Variants in EIF4A2 observed in about 807,000 individuals in gnomAD.
The protein encoded by EIF4A2 is eukaryotic initiation factor 4A-II.
A neutral mutation model predicts 50.6 loss-of-function variants in EIF4A2; 9 were observed. The ratio of observed to expected loss-of-function variants is 0.18; its 90% confidence interval spans 0.11 to 0.31. EIF4A2 has a LOEUF of 0.31. Among genes scored for constraint, EIF4A2 ranks in the 10% least tolerant of loss-of-function variants. The pLI is 1.00. For missense variants in EIF4A2, 182 were observed against 501.8 expected (o/e 0.36, Z 6.09); for synonymous variants, 215 against 164.4 (o/e 1.31, Z -2.35).
At chr3:186,785,190 T>A in intron 4 of EIF4A2, 89 bp downstream of exon 4, 1 of 1,561,030 alleles carries the variant, frequency 6.4e-7, no homozygotes, top group Non-Finnish European at 8.7e-7. Flanking sequence ...TTAGTATAAA[T>A]TGGTCCTACC....
chr3:186,789,454 T>TATC lies in EIF4A2; in HGVS notation c.*186_*188dup, dbSNP rs1305308782. 1.9e-5 allele frequency: 14 copies of TATC among 730,912 alleles called. No individual in the cohort carries two copies. The Admixed American group carries it at 3.7e-4, about 19-fold the overall frequency. The allele number at this position is 730,912 out of a possible 1,614,324, so 45.3% of individuals were successfully genotyped here. A position where few individuals can be genotyped will look rare whatever the true frequency, so the allele number is the denominator to read the frequency against. ...CTCTTGTGAGGAAAGTCATTGGCTT[T>TATC]ATCCTCTTTAGAGTTAGACTGTTGG... On this transcript the variant is annotated 3_prime_UTR_variant, in exon 11 of 11. Transcript: ENST00000323963.
chr3:186,788,857 C>G, intron 10 of EIF4A2: 1 of 377,274 alleles, frequency 2.7e-6, no homozygotes, highest in South Asian at 3.9e-5. Flanking sequence ...CTACCCCAAA[C>G]ACGATACTGT....
intron 3 of EIF4A2, 112 bp from the exon 4 acceptor site, chr3:186,784,850 C>G (rs1050726749): frequency 1.3e-6 from 2 of 1,599,410 alleles, no homozygotes; most frequent in Admixed American, 1.7e-5. Flanking sequence ...AGAGAATACT[C>G]ATTGCTGATC....
chr3:186,784,934 C>T, intron 3 of EIF4A2, 28 bp from the exon 4 acceptor site: 4 of 1,613,988 alleles, frequency 2.5e-6, no homozygotes, highest in Non-Finnish European at 3.4e-6. Context: ...GATGTGGGAT[C>T]GGTAAATGTG....
intron 3 of EIF4A2, 101 bp downstream of exon 3, chr3:186,784,797 A>C (rs541382107): frequency 3.7e-6 from 6 of 1,602,854 alleles, no homozygotes; most frequent in African/African-American, 2.7e-5. Context: ...TATTCCTTAA[A>C]GTGAAATGAT....
rs1169883217 is a variant in EIF4A2 at position 186,785,210 on chromosome 3, C to T, written c.348+109C>T. ...ATAAATTGGTCCTACCAGATCCCTC[C>T]TTTTAATTGTCCATGCATGCAGGGA... On this transcript the variant is annotated intron_variant, in intron 4 of 10. Coordinates refer to ENST00000323963, the MANE Select transcript of EIF4A2 (RefSeq NM_001967.4). 18 of 1,486,940 alleles carry T rather than the reference C, an allele frequency of 1.2e-5. No homozygotes were observed. The East Asian group carries it at 3.6e-4, about 30-fold the overall frequency. 92.1% of individuals were successfully genotyped at this position (1,486,940 alleles called of 1,614,324 possible). A position where few individuals can be genotyped will look rare whatever the true frequency, so the allele number is the denominator to read the frequency against.
chr3:186,787,631 T>A (rs758434128), intron 9 of EIF4A2, 47 bp downstream of exon 9: 1 of 1,612,406 alleles, frequency 6.2e-7, no homozygotes, highest in Non-Finnish European at 8.5e-7. Context: ...GTTAGCTTTT[T>A]GGGGGGCAGG....
In EIF4A2 at chr3:186,783,622, C is replaced by A; in HGVS notation, c.12C>A (p.Gly4=). 6.2e-7 allele frequency: 1 copy of A among 1,614,176 alleles called. No individual in the cohort carries two copies. The highest frequency in any genetic ancestry group is 1.7e-5 in the Admixed American group (1 of 60,020). The change falls in exon 1 of 11, where the codon GGC becomes GGA. Residue 4 remains glycine (G), a synonymous_variant. Coordinates refer to ENST00000323963, the MANE Select transcript of EIF4A2 (RefSeq NM_001967.4). The part of the protein sequence containing the change: MSG[G]SADYNREHGG... ...TGGTTTTTCGGATCATGTCTGGTGGCTCCGCGGATTATAACAGGTATGCAG... is the reference window on the plus strand; with the variant it reads ...TGGTTTTTCGGATCATGTCTGGTGGATCCGCGGATTATAACAGGTATGCAG...
intron 10 of EIF4A2, chr3:186,788,508 A>G (rs1721908813): frequency 1.8e-6 from 2 of 1,084,692 alleles, no homozygotes; most frequent in African/African-American, 1.7e-5. Flanking sequence ...TATTTCTATT[A>G]GGGAACCTTT....
chr3:186,784,807 T>C (rs1052512682), intron 3 of EIF4A2, 111 bp downstream of exon 3: 2 of 1,600,712 alleles, frequency 1.2e-6, no homozygotes, highest in Non-Finnish European at 1.7e-6. Flanking sequence ...AGTGAAATGA[T>C]GGCAATCATC....
In EIF4A2 at chr3:186,783,591, G is replaced by A. The variant is rs374957035; in HGVS notation, c.-20G>A. ...GGCGCCGCTGTCTTTTCAGTCGGGC[G>A]CTGAGTGGTTTTTCGGATCATGTCT... On this transcript the variant is annotated 5_prime_UTR_variant, in exon 1 of 11. Coordinates refer to ENST00000323963, the MANE Select transcript of EIF4A2 (RefSeq NM_001967.4). 1.1e-5 allele frequency: 17 copies of A among 1,614,056 alleles called. No homozygotes were observed. The African/African-American group carries it at 2.1e-4, about 20-fold the overall frequency.
chr3:186,783,672 TG>T (rs773075327), intron 1 of EIF4A2, 33 bp downstream of exon 1: 2 of 1,613,974 alleles, frequency 1.2e-6, no homozygotes, highest in Non-Finnish European at 1.7e-6. Context: ...CGGTCTGTAG[TG>T]AAGGTCATAG....
At chr3:186,786,742 G>T (rs746518055) in intron 7 of EIF4A2, 97 bp downstream of exon 7, 2 of 1,509,046 alleles carry the variant, frequency 1.3e-6, no homozygotes, top group African/African-American at 2.9e-5. Flanking sequence ...TTGCAATAAT[G>T]CTAGCAGAGT....
At chr3:186,788,877 TATA>T (rs2108463279) in intron 10 of EIF4A2, 2 of 463,120 alleles carry the variant, frequency 4.3e-6, no homozygotes, top group Admixed American at 4.1e-5. Context: ...TCATCTGCTT[TATA>T]ATAATGCTCA....
At chr3:186,789,031 G>A (rs1196061865) in intron 10 of EIF4A2, 94 bp from the exon 11 acceptor site, 2 of 1,486,462 alleles carry the variant, frequency 1.3e-6, no homozygotes, top group African/African-American at 2.9e-5. Context: ...ACCTTGATAA[G>A]TAAACAGCAG....
chr3:186,789,313 A>C lies in EIF4A2; in HGVS notation c.*44A>C, dbSNP rs1721986052. 1.3e-6 allele frequency: 2 copies of C among 1,576,280 alleles called. No individual in the cohort carries two copies. Among genetic ancestry groups the C allele is most frequent in the Non-Finnish European group, 8.6e-7 (1 of 1,161,136 alleles). Reference sequence around the variant, plus strand: ...TGGATGCAGTGCTCGCTGTTGCTGAATAGGCGATCACAACGTGCATTGTGC... The same window carrying C: ...TGGATGCAGTGCTCGCTGTTGCTGACTAGGCGATCACAACGTGCATTGTGC... On this transcript the variant is annotated 3_prime_UTR_variant, in exon 11 of 11. Transcript: ENST00000323963.
intron 3 of EIF4A2, 55 bp downstream of exon 3, chr3:186,784,751 A>AG: frequency 6.2e-7 from 1 of 1,610,430 alleles, no homozygotes; most frequent in South Asian, 1.1e-5. Context: ...GAACCATAAA[A>AG]GGGAAAGTAA....
chr3:186,784,387 A>T, intron 1 of EIF4A2, 45 bp from the exon 2 acceptor site: 2 of 1,613,926 alleles, frequency 1.2e-6, no homozygotes, highest in Non-Finnish European at 1.7e-6. Context: ...GGTGCAGTTG[A>T]GGTGGCCTGG....
At chr3:186,788,522 A>C (rs968397620) in intron 10 of EIF4A2, 9 of 983,122 alleles carry the variant, frequency 9.2e-6, no homozygotes, top group Non-Finnish European at 4.0e-6. Flanking sequence ...AACCTTTCTT[A>C]TTAGGTGGTT....
Sources: allele counts gnomAD v4.1 joint callset, GRCh38; gene constraint gnomAD v4.1.1; transcripts MANE v1.5; gene names NCBI Gene and HGNC (gene_info 2026-07-23, HGNC 2026-07-21).